EYA2: variants seen among roughly 807,000 people sequenced by gnomAD.
EYA2 encodes the protein EYA transcriptional coactivator and phosphatase 2, also known as protein phosphatase EYA2.
A neutral mutation model predicts 69.2 loss-of-function variants in EYA2; 31 were observed. The ratio of observed to expected loss-of-function variants is 0.45; its 90% CI spans 0.34 to 0.60. The LOEUF (loss-of-function observed/expected upper bound fraction) is 0.60. Ranked by LOEUF, EYA2 falls within the 20% of genes least tolerant of loss-of-function variation. The probability of loss-of-function intolerance (pLI) is 0.02; values close to 1 mark genes in which losing one functional copy is unlikely to be tolerated. For synonymous variants in EYA2, 257 were observed against 279.4 expected, an observed-to-expected ratio of 0.92 and a Z score of 0.80; for missense variants, 622 against 701.2, an observed-to-expected ratio of 0.89 and a Z score of 1.28.
chr20:47,025,368 C>G, intron 5 of EYA2, among the ~76,000 whole-genome samples: 1 of 152,186 alleles, frequency 6.6e-6, no homozygotes, highest in South Asian at 2.1e-4. Context: ...AAAGCATTAT[C>G]ACATGATGGC....
intron 8 of EYA2, among the ~76,000 whole-genome samples, chr20:47,093,516 C>T (rs1240902057): frequency 2.0e-5 from 3 of 152,280 alleles, no homozygotes; most frequent in Non-Finnish European, 2.9e-5. Context: ...GCTGCAGCCG[C>T]GCAGCCGGCT....
chr20:46,913,961 C>A (rs1348862660), intron 1 of EYA2, among the ~76,000 whole-genome samples: 1 of 152,300 alleles, frequency 6.6e-6, no homozygotes, highest in East Asian at 1.9e-4. Flanking sequence ...CCCAAGGTGG[C>A]CCTGCTGGTA....
intron 10 of EYA2, among the ~76,000 whole-genome samples, chr20:47,165,644 G>C (rs554380652): frequency 1.3e-5 from 2 of 152,178 alleles, no homozygotes; most frequent in Admixed American, 1.3e-4. Flanking sequence ...GTTGCACTTT[G>C]TCACCTGCCA....
intron 1 of EYA2, among the ~76,000 whole-genome samples, chr20:46,919,100 A>G (rs1388882108): frequency 2.0e-5 from 3 of 152,254 alleles, no homozygotes; most frequent in African/African-American, 7.2e-5. Context: ...ACATGCTGTC[A>G]TCCCGGCTTT....
At chr20:46,964,523 G>A (rs918963143) in intron 1 of EYA2, among the ~76,000 whole-genome samples, 1 of 152,192 alleles carries the variant, frequency 6.6e-6, no homozygotes, top group Non-Finnish European at 1.5e-5. Context: ...TTCAAGCTTT[G>A]CCTCCAACCC....
intron 7 of EYA2, 136 bp downstream of exon 7, chr20:47,074,471 C>G (rs1005794863): frequency 1.8e-5 from 16 of 880,574 alleles, no homozygotes; most frequent in Non-Finnish European, 2.5e-5. Context: ...GAGAGCTTCT[C>G]TGAAGGAGGG....
chr20:47,089,315 C>A lies in EYA2; in HGVS notation c.738C>A (p.Asp246Glu), dbSNP rs866937. ...GDTDRPHRAS[D>E]GKLRGRSKRS... ...CAGACAGGCCGCACCGGGCCTCCGA[C>A]GGGAAGCTCCGAGGCCGGTCTAAGA... The change falls in exon 8 of 16, where the codon GAC (aspartate) becomes GAA (glutamate). Residue 246 changes from aspartate (D) to glutamate (E), a missense_variant. Physicochemically the swap from Asp to Glu is conservative, Grantham distance 45 (BLOSUM62 2). Transcript: ENST00000327619. 6.2e-7 allele frequency: 1 copy of A among 1,614,002 alleles called. No homozygotes were observed. Among genetic ancestry groups the A allele is most frequent in the South Asian group, 1.1e-5 (1 of 91,078 alleles).
intron 1 of EYA2, among the ~76,000 whole-genome samples, chr20:46,969,227 T>G (rs868303678): frequency 3.4e-5 from 5 of 147,750 alleles, no homozygotes; most frequent in African/African-American, 7.4e-5. Context: ...TGGTTTTTTT[T>G]TTGTTTGTTT....
At chr20:47,159,696 A>G (rs1358382815) in intron 10 of EYA2, among the ~76,000 whole-genome samples, 1 of 152,054 alleles carries the variant, frequency 6.6e-6, no homozygotes, top group Admixed American at 6.5e-5. Flanking sequence ...CTGTAAATCT[A>G]AAACTATTCC....
intron 5 of EYA2, among the ~76,000 whole-genome samples, chr20:47,018,448 T>C (rs1363149963): frequency 3.3e-5 from 5 of 152,206 alleles, no homozygotes; most frequent in African/African-American, 1.2e-4. Flanking sequence ...TAGATAATTA[T>C]AGATTTTGAT....
chr20:47,181,202 G>A (rs1467714062), intron 14 of EYA2, among the ~76,000 whole-genome samples: 1 of 152,194 alleles, frequency 6.6e-6, no homozygotes, highest in Non-Finnish European at 1.5e-5. Context: ...CACCCCAAAT[G>A]CAAGGGCTTG....
At chr20:46,948,216 A>T (rs1053467834) in intron 1 of EYA2, among the ~76,000 whole-genome samples, 2 of 152,226 alleles carry the variant, frequency 1.3e-5, no homozygotes, top group Non-Finnish European at 2.9e-5. Context: ...GCCAAATGCT[A>T]ACTATTTTTG....
chr20:47,147,335 T>C (rs2033723802), intron 10 of EYA2, among the ~76,000 whole-genome samples: 1 of 151,984 alleles, frequency 6.6e-6, no homozygotes, highest in African/African-American at 2.4e-5. Context: ...GGATTACAGG[T>C]GTGAGCCACC....
intron 7 of EYA2, among the ~76,000 whole-genome samples, chr20:47,077,959 A>C (rs1032733009): frequency 6.6e-6 from 1 of 152,220 alleles, no homozygotes; most frequent in South Asian, 2.1e-4. Flanking sequence ...TAAGCAGGAA[A>C]CCATCGAGTA....
chr20:47,179,947 G>A, intron 13 of EYA2, 35 bp downstream of exon 13: 2 of 1,520,344 alleles, frequency 1.3e-6, no homozygotes, highest in Non-Finnish European at 1.8e-6. Context: ...CTGTGCCACT[G>A]AACTTTCTCG....
chr20:47,168,597 T>C (rs1397136955), intron 10 of EYA2, among the ~76,000 whole-genome samples: 1 of 151,800 alleles, frequency 6.6e-6, no homozygotes, highest in Non-Finnish European at 1.5e-5. Flanking sequence ...GGATAGTGCC[T>C]GGCACATAGT....
chr20:47,039,621 A>AC, intron 5 of EYA2, among the ~76,000 whole-genome samples: 1 of 152,124 alleles, frequency 6.6e-6, no homozygotes, highest in East Asian at 1.9e-4. Flanking sequence ...ACAAAATCAC[A>AC]CCCTCACTGC....
intron 2 of EYA2, among the ~76,000 whole-genome samples, chr20:46,992,792 TAC>T: frequency 6.6e-6 from 1 of 152,234 alleles, no homozygotes; most frequent in South Asian, 2.1e-4. Flanking sequence ...GAGGTCAGGT[TAC>T]ACACACACAC....
chr20:46,928,476 A>G (rs1252796985), intron 1 of EYA2, among the ~76,000 whole-genome samples: 22 of 152,206 alleles, frequency 1.4e-4, no homozygotes, highest in Admixed American at 1.4e-3. Context: ...CTGGAGCCCT[A>G]TAAGATAAGT....
Sources: gnomAD v4.1 joint callset for allele counts (sites outside exome capture counted in the v4.1 genomes callset) on GRCh38, gnomAD v4.1.1 for gene constraint, MANE v1.5 for transcripts, NCBI Gene and HGNC (gene_info 2026-07-23, HGNC 2026-07-21) for gene names.